Variants in FBN2 observed in about 807,000 individuals in gnomAD.
FBN2 encodes the protein fibrillin 2.
A neutral mutation model predicts 355.6 loss-of-function variants in FBN2; 105 were observed. The ratio of observed to expected loss-of-function variants is 0.30; its 90% CI spans 0.25 to 0.35. FBN2 has a LOEUF of 0.35. Ranked by LOEUF, FBN2 falls within the 10% of genes least tolerant of loss-of-function variation. FBN2 has a pLI of 1.00. For missense variants in FBN2, 3,280 were observed against 3,758.7 expected (o/e 0.87, Z 3.33); for synonymous variants, 1,350 against 1,301.2 (o/e 1.04, Z -0.81).
At chr5:128,351,042 T>C (rs1181728662) in intron 20 of FBN2, 37 bp from the exon 21 acceptor site, 4 of 1,613,312 alleles carry the variant, frequency 2.5e-6, no homozygotes, top group Non-Finnish European at 3.4e-6. Flanking sequence ...AGCTCTTACC[T>C]CTGAAGAAAA....
intron 5 of FBN2, among the ~76,000 whole-genome samples, chr5:128,473,319 T>A (rs1008203273): frequency 4.6e-5 from 7 of 152,218 alleles, no homozygotes; most frequent in Non-Finnish European, 4.4e-5. Context: ...AAAAACAATA[T>A]CTTCTTGTTG....
At position 128,493,520 on chromosome 5, in the gene FBN2, C is replaced by A. The variant is rs567861637; in HGVS notation, c.628+25753G>T. Among the ~76,000 whole-genome samples the A allele has an allele frequency of 3.9e-5, 6 of 152,262 alleles. No individual in the cohort carries two copies. In the East Asian group the frequency reaches 1.2e-3, roughly 29 times the overall value. Reference sequence around the variant, plus strand: ...CCATAATGCATATTATCCTCACTTACAATCTAGGGTTCAGAAATATTAATG... The same window carrying A: ...CCATAATGCATATTATCCTCACTTAAAATCTAGGGTTCAGAAATATTAATG... On this transcript the variant is annotated intron_variant, in intron 5 of 64. Transcript: ENST00000262464.
intron 28 of FBN2, among the ~76,000 whole-genome samples, 161 bp downstream of exon 28, chr5:128,335,827 G>A (rs757187348): frequency 1.3e-5 from 2 of 152,226 alleles, no homozygotes; most frequent in Non-Finnish European, 2.9e-5. Context: ...TAAGATGAGT[G>A]AGTCTGCTGC....
At chr5:128,453,341 C>T (rs1208208139) in intron 6 of FBN2, among the ~76,000 whole-genome samples, 1 of 152,136 alleles carries the variant, frequency 6.6e-6, no homozygotes, top group Non-Finnish European at 1.5e-5. Flanking sequence ...ACTTCATCAG[C>T]AACAACTGCT....
At chr5:128,317,288 C>T (rs996576375) in intron 36 of FBN2, among the ~76,000 whole-genome samples, 1 of 152,164 alleles carries the variant, frequency 6.6e-6, no homozygotes, top group Non-Finnish European at 1.5e-5. Context: ...TGTGCTTGTT[C>T]TGTTCACTGT....
At chr5:128,263,321 G>A (rs1199497308) in intron 63 of FBN2, 104 bp downstream of exon 63, 6 of 843,302 alleles carry the variant, frequency 7.1e-6, no homozygotes, top group Admixed American at 1.7e-5. Context: ...ATGCTTTTGC[G>A]GTTTGGCTTT....
chr5:128,393,859 A>G (rs1317678767), intron 9 of FBN2, among the ~76,000 whole-genome samples: 5 of 152,216 alleles, frequency 3.3e-5, no homozygotes, highest in Admixed American at 3.3e-4. Flanking sequence ...TTAACGGTAG[A>G]CAATATCAAG....
chr5:128,445,168 A>G (rs1754033954), intron 7 of FBN2, among the ~76,000 whole-genome samples: 1 of 152,226 alleles, frequency 6.6e-6, no homozygotes, highest in Admixed American at 6.5e-5. Context: ...TTTAAGTAGT[A>G]TAAGACACTT....
Position 128,290,736 on chromosome 5 carries a change from A to G in FBN2, c.6441T>C (p.Asp2147=). ...GDPCELCPKD[D]EVAFQDLCPY... is the part of the protein sequence containing the mutation. The stretch of plus-strand genomic sequence containing the variant: ...TGATGATGTCATTGCTCTTACCTTC[A>G]TCGTCTTTGGGGCACAGCTCACAGG... The change falls in exon 50 of 65, where the codon GAT becomes GAC. Residue 2147 remains aspartate (D), a synonymous_variant. Coordinates refer to ENST00000262464, the MANE Select transcript of FBN2 (RefSeq NM_001999.4). 1 of 1,614,124 alleles carries G rather than the reference A, an allele frequency of 6.2e-7. No individual in the cohort carries two copies. The highest frequency in any genetic ancestry group is 8.5e-7 in the Non-Finnish European group (1 of 1,179,974).
chr5:128,325,280 C>G (rs1334734598), intron 34 of FBN2, among the ~76,000 whole-genome samples: 2 of 152,144 alleles, frequency 1.3e-5, no homozygotes, highest in Admixed American at 6.5e-5. Flanking sequence ...CTTTATGAAT[C>G]TGGGTACTCC....
At chr5:128,470,331 G>A (rs929210067) in intron 5 of FBN2, among the ~76,000 whole-genome samples, 5 of 152,176 alleles carry the variant, frequency 3.3e-5, no homozygotes, top group African/African-American at 4.8e-5. Flanking sequence ...TTGCAGCCAC[G>A]TTGGAGAGAG....
intron 11 of FBN2, among the ~76,000 whole-genome samples, chr5:128,380,390 G>C (rs2126961973): frequency 6.6e-6 from 1 of 152,152 alleles, no homozygotes; most frequent in East Asian, 1.9e-4. Context: ...TCTGTTTGAA[G>C]AACATGAGAA....
chr5:128,307,856 G>A (rs996002967), intron 41 of FBN2, among the ~76,000 whole-genome samples: 8 of 152,050 alleles, frequency 5.3e-5, no homozygotes, highest in Non-Finnish European at 1.5e-5. Flanking sequence ...ATACAAGTGA[G>A]TAAAACTCCT....
In FBN2 at chr5:128,305,030, A is replaced by G; in HGVS notation, c.5727T>C (p.Val1909=). Residue 1909 remains valine, a synonymous_variant, in exon 45 of 65, where the codon GTT becomes GTC. Transcript: ENST00000262464. ...IPNVCSHGLC[V]DLQGSYQCIC... is the part of the protein sequence containing the mutation. Reference sequence around the variant, plus strand: ...TGCACTGGTAACTTCCTTGCAGATCAACACACAAGCCATGACTGCAAACGT... The same window carrying G: ...TGCACTGGTAACTTCCTTGCAGATCGACACACAAGCCATGACTGCAAACGT... 6.2e-7 allele frequency: 1 copy of G among 1,613,420 alleles called. No homozygotes were observed. Among genetic ancestry groups the G allele is most frequent in the Non-Finnish European group, 8.5e-7 (1 of 1,179,710 alleles).
chr5:128,278,788 C>A lies in FBN2; in HGVS notation c.7192G>T (p.Ala2398Ser). The A allele has an allele frequency of 6.2e-7, 1 of 1,614,094 alleles. No individual in the cohort carries two copies. Among genetic ancestry groups the A allele is most frequent in the Non-Finnish European group, 8.5e-7 (1 of 1,179,998 alleles). ...AEVLQTICQM[A>S]SSSRNLVTKS... ...GTGACGAGATTGCGACTACTGGATG[C>A]CATTTGACATATTGTCTGCAGTACC... The change falls in exon 57 of 65, where the codon GCA becomes TCA. Residue 2398 changes from alanine to serine, a missense_variant. Ala to Ser is a moderately conservative substitution (Grantham distance 99). Transcript: ENST00000262464.
chr5:128,526,902 A>C (rs34790038), intron 4 of FBN2, among the ~76,000 whole-genome samples: 60,960 of 151,938 alleles, frequency 0.4, 14,957 homozygotes, highest in African/African-American at 0.7. Flanking sequence ...TATATTTTAC[A>C]ACAATTTAAA....
At chr5:128,436,540 CAAGT>C (rs1753771380) in intron 7 of FBN2, among the ~76,000 whole-genome samples, 1 of 151,694 alleles carries the variant, frequency 6.6e-6, no homozygotes, top group Non-Finnish European at 1.5e-5. Flanking sequence ...CATTGGATTA[CAAGT>C]AATTGTCTAT....
chr5:128,291,679 T>A lies in FBN2; in HGVS notation c.6167-25A>T, dbSNP rs761866039. On this transcript the variant is annotated intron_variant, in intron 48 of 64. Coordinates refer to ENST00000262464, the MANE Select transcript of FBN2 (RefSeq NM_001999.4). ...TCTGCAGAACAGGGGGAGTATTTAT[T>A]AGCCATTCAACACTTGAAAATAAAC... The A allele has an allele frequency of 6.8e-6, 11 of 1,609,312 alleles. No homozygotes were observed. In the South Asian group the frequency reaches 1.2e-4, roughly 18 times the overall value.
intron 5 of FBN2, among the ~76,000 whole-genome samples, chr5:128,479,049 T>C (rs543064805): frequency 6.6e-6 from 1 of 152,304 alleles, no homozygotes; most frequent in East Asian, 1.9e-4. Context: ...TAAAACAATA[T>C]ATTTTGTGTA....
Sources: gnomAD v4.1 joint callset for allele counts (sites outside exome capture counted in the v4.1 genomes callset) on GRCh38, gnomAD v4.1.1 for gene constraint, MANE v1.5 for transcripts, NCBI Gene and HGNC (gene_info 2026-07-23, HGNC 2026-07-21) for gene names.